Variants in GALNT13 observed in about 807,000 individuals in gnomAD.
GALNT13 encodes UDP-GalNAc:polypeptide N-acetylgalactosaminyltransferase 13.
A neutral mutation model predicts 64.2 loss-of-function variants in GALNT13; 28 were observed. The observed-to-expected ratio is 0.44, with a 90% CI of 0.32 to 0.60. The LOEUF is 0.60. Among genes scored for constraint, GALNT13 ranks in the 20% least tolerant of loss-of-function variants. The pLI is 0.05. For missense variants in GALNT13, 577 were observed against 669.8 expected, an observed-to-expected ratio of 0.86 and a Z score of 1.53; for synonymous variants, 214 against 224.6, an observed-to-expected ratio of 0.95 and a Z score of 0.42.
At chr2:154,281,019 CACTT>C (rs1691935336) in intron 8 of GALNT13, among the ~76,000 whole-genome samples, 1 of 152,102 alleles carries the variant, frequency 6.6e-6, no homozygotes, top group South Asian at 2.1e-4. Context: ...TCTTAATAAT[CACTT>C]AAATATACTG....
At chr2:154,394,467 T>G (rs556028239) in intron 9 of GALNT13, among the ~76,000 whole-genome samples, 1 of 152,098 alleles carries the variant, frequency 6.6e-6, no homozygotes, top group Non-Finnish European at 1.5e-5. Context: ...CTCAATTAAA[T>G]CCACCCACCT....
chr2:154,023,685 C>T (rs1166486590), intron 3 of GALNT13, among the ~76,000 whole-genome samples: 1 of 152,070 alleles, frequency 6.6e-6, no homozygotes, highest in Non-Finnish European at 1.5e-5. Flanking sequence ...GAGCATTTAG[C>T]CCATTTAGAT....
At chr2:153,689,816 G>T in the GALNT13 span, among the ~76,000 whole-genome samples, 26 of 152,018 alleles carry the variant, frequency 1.7e-4, no homozygotes, top group Non-Finnish European at 3.1e-4. Flanking sequence ...GTGTTGTGAG[G>T]AGCGGGAATG....
At chr2:153,918,302 G>A (rs1281319384) in intron 2 of GALNT13, among the ~76,000 whole-genome samples, 1 of 152,092 alleles carries the variant, frequency 6.6e-6, no homozygotes, top group Non-Finnish European at 1.5e-5. Context: ...TTCTCTCTGG[G>A]TGAACTTCGG....
chr2:153,508,278 G>C, the GALNT13 span, among the ~76,000 whole-genome samples: 2 of 152,156 alleles, frequency 1.3e-5, no homozygotes, highest in Admixed American at 6.5e-5. Context: ...GCTCCCAAGA[G>C]ATTATGTCCT....
At chr2:154,446,983 G>GT (rs5835517) in intron 12 of GALNT13, among the ~76,000 whole-genome samples, 63,396 of 150,400 alleles carry the variant, frequency 0.42, 14,670 homozygotes, top group Admixed American at 0.61. Context: ...GGGTTTTTTT[G>GT]TTTTTTTTCT....
chr2:153,241,657 A>G, the GALNT13 span, among the ~76,000 whole-genome samples: 5 of 150,742 alleles, frequency 3.3e-5, no homozygotes, highest in South Asian at 2.1e-4. Context: ...CTGTGTGTGT[A>G]TGTGTATGTG....
At chr2:153,215,608 G>A in the GALNT13 span, among the ~76,000 whole-genome samples, 1 of 152,150 alleles carries the variant, frequency 6.6e-6, no homozygotes. Context: ...GGGGATGCGG[G>A]TTCAGAATTA....
At chr2:153,920,377 T>C (rs1422723172) in intron 2 of GALNT13, among the ~76,000 whole-genome samples, 1 of 151,992 alleles carries the variant, frequency 6.6e-6, no homozygotes, top group East Asian at 1.9e-4. Flanking sequence ...AAACAAGCAA[T>C]GGGGAAAGGA....
the GALNT13 span, among the ~76,000 whole-genome samples, chr2:153,768,043 G>C: frequency 6.6e-6 from 1 of 152,146 alleles, no homozygotes; most frequent in Non-Finnish European, 1.5e-5. Context: ...GTCCAGAAGA[G>C]TTTTTCCTAG....
chr2:154,420,462 C>A (rs1700201250), intron 11 of GALNT13, among the ~76,000 whole-genome samples: 3 of 152,102 alleles, frequency 2.0e-5, no homozygotes, highest in African/African-American at 7.2e-5. Context: ...AAATAGTTTT[C>A]TCCTGTTTTA....
At chr2:153,628,815 G>A in the GALNT13 span, among the ~76,000 whole-genome samples, 7 of 151,882 alleles carry the variant, frequency 4.6e-5, no homozygotes, top group African/African-American at 1.4e-4. Flanking sequence ...CTCTTTTTTT[G>A]TTGTGTCTCT....
At chr2:154,146,905 T>C (rs1436933029) in intron 4 of GALNT13, among the ~76,000 whole-genome samples, 1 of 152,138 alleles carries the variant, frequency 6.6e-6, no homozygotes, top group Non-Finnish European at 1.5e-5. Flanking sequence ...TGAGTGTCAC[T>C]ACTTGTTTGG....
intron 4 of GALNT13, among the ~76,000 whole-genome samples, chr2:154,177,777 A>G (rs1416130143): frequency 2.6e-5 from 4 of 152,166 alleles, no homozygotes; most frequent in African/African-American, 7.2e-5. Context: ...GTCTACATAC[A>G]TACATATGAG....
At chr2:153,939,693 T>G (rs1691201116) in intron 2 of GALNT13, among the ~76,000 whole-genome samples, 1 of 152,178 alleles carries the variant, frequency 6.6e-6, no homozygotes, top group African/African-American at 2.4e-5. Flanking sequence ...TCCTCATTGT[T>G]TTTTCTTGCT....
the GALNT13 span, among the ~76,000 whole-genome samples, chr2:153,667,862 A>G: frequency 6.6e-6 from 1 of 152,126 alleles, no homozygotes; most frequent in Non-Finnish European, 1.5e-5. Flanking sequence ...ACTCAACTGT[A>G]TGCTGTCTTC....
At chr2:153,158,931 A>G in the GALNT13 span, 1 of 152,310 alleles carries the variant, frequency 6.6e-6, no homozygotes, top group Non-Finnish European at 1.5e-5. Context: ...CTGGGCCCTC[A>G]CTGAGCATGT....
chr2:153,485,740 AT>A, the GALNT13 span, among the ~76,000 whole-genome samples: 3 of 152,000 alleles, frequency 2.0e-5, no homozygotes, highest in African/African-American at 7.3e-5. Flanking sequence ...CTATAAAAAA[AT>A]AAAAAGGCTT....
At chr2:154,251,713 A>T (rs1385784450) in intron 7 of GALNT13, among the ~76,000 whole-genome samples, 1 of 152,224 alleles carries the variant, frequency 6.6e-6, no homozygotes, top group East Asian at 1.9e-4. Flanking sequence ...TCCCATTTTT[A>T]TCAGTAAAAA....
Sources: gnomAD v4.1 joint callset for allele counts (sites outside exome capture counted in the v4.1 genomes callset) on GRCh38, gnomAD v4.1.1 for gene constraint, MANE v1.5 for transcripts, NCBI Gene and HGNC (gene_info 2026-07-23, HGNC 2026-07-21) for gene names.